CDH13: variants seen among roughly 807,000 people sequenced by gnomAD.
CDH13 encodes the protein cadherin 13.
A neutral mutation model predicts 63.8 loss-of-function variants in CDH13; 24 were observed. The observed-to-expected ratio is 0.38, with a 90% confidence interval of 0.27 to 0.53. The LOEUF is 0.53. Among genes scored for constraint, CDH13 ranks in the 20% least tolerant of loss-of-function variants. The pLI is 0.85. For missense variants in CDH13, 1,049 were observed against 903.1 expected (o/e 1.16, Z -2.07); for synonymous variants, 503 against 355.3 (o/e 1.42, Z -4.67).
At chr16:82,883,670 T>A (rs2040783314) in intron 2 of CDH13, among the ~76,000 whole-genome samples, 1 of 152,204 alleles carries the variant, frequency 6.6e-6, no homozygotes, top group East Asian at 1.9e-4. Context: ...AATTTGCATC[T>A]TGCTCACAGA....
chr16:82,698,418 T>C (rs146874851), intron 1 of CDH13, among the ~76,000 whole-genome samples: 1 of 152,362 alleles, frequency 6.6e-6, no homozygotes, highest in African/African-American at 2.4e-5. Context: ...GACAGACAAC[T>C]ACAAAACCTT....
intron 2 of CDH13, among the ~76,000 whole-genome samples, chr16:82,880,981 C>T (rs952555785): frequency 5.3e-5 from 8 of 152,054 alleles, no homozygotes; most frequent in African/African-American, 1.9e-4. Flanking sequence ...TAGACATTAC[C>T]CCGTGGTGTC....
chr16:83,466,566 C>T (rs1374172257), intron 6 of CDH13, among the ~76,000 whole-genome samples: 1 of 152,186 alleles, frequency 6.6e-6, no homozygotes, highest in Non-Finnish European at 1.5e-5. Context: ...CCCCTAATGA[C>T]CTCCACCTGG....
intron 5 of CDH13, among the ~76,000 whole-genome samples, chr16:83,341,286 G>T (rs1176686604): frequency 6.6e-6 from 1 of 152,186 alleles, no homozygotes; most frequent in Non-Finnish European, 1.5e-5. Context: ...GAACGTTATT[G>T]AACATTTATT....
At chr16:82,857,370 T>C (rs1043399940) in intron 1 of CDH13, among the ~76,000 whole-genome samples, 6 of 152,230 alleles carry the variant, frequency 3.9e-5, no homozygotes, top group Non-Finnish European at 5.9e-5. Flanking sequence ...ACGGAGCCTC[T>C]TCTCTGTCCC....
intron 6 of CDH13, among the ~76,000 whole-genome samples, chr16:83,351,922 G>C (rs533806911): frequency 1.8e-4 from 27 of 152,224 alleles, no homozygotes; most frequent in Non-Finnish European, 3.5e-4. Context: ...ATGACACTCA[G>C]TATCTACAAG....
chr16:83,126,460 G>C (rs963713185), intron 4 of CDH13, among the ~76,000 whole-genome samples: 1 of 152,166 alleles, frequency 6.6e-6, no homozygotes, highest in Non-Finnish European at 1.5e-5. Context: ...CACGGCAAAG[G>C]CGGGAAGGGT....
intron 11 of CDH13, among the ~76,000 whole-genome samples, chr16:83,774,525 A>G (rs1914975952): frequency 6.6e-6 from 1 of 152,116 alleles, no homozygotes; most frequent in Non-Finnish European, 1.5e-5. Context: ...GGCACGTGCC[A>G]TCATGCCCAG....
At chr16:83,565,506 T>G (rs1371838889) in intron 7 of CDH13, among the ~76,000 whole-genome samples, 1 of 151,950 alleles carries the variant, frequency 6.6e-6, no homozygotes, top group Non-Finnish European at 1.5e-5. Context: ...TGGTGACATT[T>G]AATTCATCTC....
At chr16:83,760,026 T>G (rs932634410) in intron 11 of CDH13, among the ~76,000 whole-genome samples, 2 of 151,566 alleles carry the variant, frequency 1.3e-5, no homozygotes, top group African/African-American at 4.8e-5. Flanking sequence ...AAACAAATAC[T>G]TCACAGCAGA....
intron 1 of CDH13, among the ~76,000 whole-genome samples, chr16:82,842,145 T>TATATATATATATATATATAC (rs1567590532): frequency 4.3e-4 from 12 of 27,590 alleles, no homozygotes; most frequent in African/African-American, 1.4e-3. Flanking sequence ...TATACACATA[T>TATATATATATATATATATAC]ATATATATAT....
chr16:82,722,627 C>G (rs1410264306), intron 1 of CDH13, among the ~76,000 whole-genome samples: 6 of 152,032 alleles, frequency 3.9e-5, no homozygotes, highest in South Asian at 2.1e-4. Flanking sequence ...TCCCAAAGAC[C>G]CACTAGGACA....
chr16:82,874,091 C>T (rs1416980201), intron 2 of CDH13, among the ~76,000 whole-genome samples: 2 of 152,044 alleles, frequency 1.3e-5, no homozygotes, highest in Admixed American at 6.6e-5. Flanking sequence ...AGCGGGGTCT[C>T]GGGCAGCTCC....
chr16:82,836,919 C>G (rs1017260783), intron 1 of CDH13, among the ~76,000 whole-genome samples: 2 of 152,198 alleles, frequency 1.3e-5, no homozygotes, highest in Admixed American at 1.3e-4. Flanking sequence ...GGATATTTAT[C>G]ACCCTTGAAG....
intron 3 of CDH13, among the ~76,000 whole-genome samples, chr16:83,035,740 G>T (rs893796341): frequency 1.3e-5 from 2 of 152,082 alleles, no homozygotes; most frequent in African/African-American, 4.8e-5. Context: ...TCTAAGCTGT[G>T]TTACCTTCAG....
intron 2 of CDH13, among the ~76,000 whole-genome samples, chr16:82,897,704 G>A (rs1189486589): frequency 6.6e-6 from 1 of 152,246 alleles, no homozygotes; most frequent in Non-Finnish European, 1.5e-5. Flanking sequence ...AATGCAAGGT[G>A]GATAAAGACG....
At chr16:83,750,793 G>T (rs1157485539) in intron 11 of CDH13, among the ~76,000 whole-genome samples, 1 of 152,170 alleles carries the variant, frequency 6.6e-6, no homozygotes, top group Non-Finnish European at 1.5e-5. Context: ...ACCTGCAGAT[G>T]CTTCAGTCTT....
chr16:83,266,215 T>C (rs1263728587), intron 5 of CDH13, among the ~76,000 whole-genome samples: 2 of 152,002 alleles, frequency 1.3e-5, no homozygotes, highest in Non-Finnish European at 2.9e-5. Context: ...TGGGATTACA[T>C]ACAGAAGTCA....
chr16:82,665,926 G>A (rs1336241931), intron 1 of CDH13, among the ~76,000 whole-genome samples: 2 of 152,098 alleles, frequency 1.3e-5, no homozygotes, highest in African/African-American at 4.8e-5. Context: ...ACCAGGAAAA[G>A]ATCAAAATTC....
Sources: gnomAD v4.1 joint callset for allele counts (sites outside exome capture counted in the v4.1 genomes callset) on GRCh38, gnomAD v4.1.1 for gene constraint, MANE v1.5 for transcripts, NCBI Gene and HGNC (gene_info 2026-07-23, HGNC 2026-07-21) for gene names.